Variants in ANGPT2 observed in about 807,000 individuals in gnomAD.
ANGPT2 encodes the protein angiopoietin 2.
A neutral mutation model predicts 62.9 loss-of-function variants in ANGPT2; 28 were observed. The observed-to-expected ratio is 0.44, with a 90% CI of 0.33 to 0.61. The LOEUF (loss-of-function observed/expected upper bound fraction) is 0.61, where lower values mean the gene tolerates loss of function less well. ANGPT2 is among the 20% of genes least tolerant of loss of function. The pLI, the probability that ANGPT2 is intolerant of heterozygous loss-of-function variation, is 0.03. For missense variants in ANGPT2, 727 were observed against 594.9 expected, an observed-to-expected ratio of 1.22 and a Z score of -2.31; for synonymous variants, 284 against 207.8, an observed-to-expected ratio of 1.37 and a Z score of -3.15.
intron 8 of ANGPT2, 57 bp from the exon 9 acceptor site, chr8:6,503,318 G>A (rs922302896): frequency 5.0e-6 from 8 of 1,589,426 alleles, no homozygotes; most frequent in Admixed American, 1.7e-5. Context: ...CTCCCACCAC[G>A]AAGACAGCAA....
intron 1 of ANGPT2, among the ~76,000 whole-genome samples, chr8:6,549,837 A>C (rs952523408): frequency 1.3e-5 from 2 of 152,232 alleles, no homozygotes; most frequent in African/African-American, 4.8e-5. Context: ...CAAGTTGTAC[A>C]CTCAAGATTT....
chr8:6,520,084 A>G (rs1303744094), intron 4 of ANGPT2, 93 bp from the exon 5 acceptor site: 1 of 1,450,470 alleles, frequency 6.9e-7, no homozygotes, highest in Non-Finnish European at 9.3e-7. Flanking sequence ...GAGTTTTATT[A>G]CTTTGGAATT....
chr8:6,552,042 T>C (rs1367517348), intron 1 of ANGPT2, among the ~76,000 whole-genome samples: 1 of 152,192 alleles, frequency 6.6e-6, no homozygotes, highest in Non-Finnish European at 1.5e-5. Context: ...ATTCCAGAAA[T>C]TATGGCAGAG....
At chr8:6,504,304 T>C (rs560368080) in intron 8 of ANGPT2, among the ~76,000 whole-genome samples, 167 of 113,526 alleles carry the variant, frequency 1.5e-3, no homozygotes, top group African/African-American at 3.0e-3. Context: ...GGCGACAGAG[T>C]GAGACTCCAG....
At chr8:6,523,574 T>C (rs1413695270) in intron 3 of ANGPT2, among the ~76,000 whole-genome samples, 1 of 149,348 alleles carries the variant, frequency 6.7e-6, no homozygotes, top group Admixed American at 6.6e-5. Context: ...TCAAGGTATT[T>C]GGCAGGGTTT....
chr8:6,505,474 T>TAC lies in ANGPT2; in HGVS notation c.1328-2214_1328-2213insGT, dbSNP rs1465702085. Among the ~76,000 whole-genome samples, 317 of 50,242 alleles carry TAC rather than the reference T, an allele frequency of 6.3e-3. 1 individual carries two copies. Among genetic ancestry groups the TAC allele is most frequent in the African/African-American group, 0.014 (173 of 12,138 alleles). The allele number at this position is 50,242 out of a possible 152,430, so 33.0% of individuals were successfully genotyped here. On this transcript the variant is annotated intron_variant, in intron 8 of 8. Coordinates refer to ENST00000629816, the MANE Select transcript of ANGPT2 (RefSeq NM_001118887.2). Reference sequence around the variant, plus strand: ...ATATAGAATATATATATTCTTTACATATATAGAATATATATATTCTTTATA... The same window carrying TAC: ...ATATAGAATATATATATTCTTTACATACATATAGAATATATATATTCTTTATA...
chr8:6,505,251 T>TAACA lies in ANGPT2; in HGVS notation c.1328-1991_1328-1990insTGTT, dbSNP rs1563305171. ...TATGTATATATAGAATATATATTCT[T>TAACA]TATATATGTTTTATATATATGTATA... On this transcript the variant is annotated intron_variant, in intron 8 of 8. Coordinates refer to ENST00000629816, the MANE Select transcript of ANGPT2 (RefSeq NM_001118887.2). Among the ~76,000 whole-genome samples, 53 of 82,178 alleles carry TAACA rather than the reference T, an allele frequency of 6.4e-4. 11 individuals are homozygous for TAACA. The highest frequency in any genetic ancestry group is 2.6e-3 in the African/African-American group (51 of 19,990). 53.9% of individuals were successfully genotyped at this position (82,178 alleles called of 152,430 possible).
At chr8:6,535,246 G>A (rs1433516019) in intron 1 of ANGPT2, among the ~76,000 whole-genome samples, 1 of 152,180 alleles carries the variant, frequency 6.6e-6, no homozygotes, top group Non-Finnish European at 1.5e-5. Context: ...CATTTCTAGA[G>A]CTACTGAGTC....
chr8:6,515,566 C>G (rs982232922), intron 5 of ANGPT2, among the ~76,000 whole-genome samples: 9 of 152,096 alleles, frequency 5.9e-5, no homozygotes. Flanking sequence ...TTAAGCTAAG[C>G]GCATGCATGC....
intron 6 of ANGPT2, among the ~76,000 whole-genome samples, chr8:6,514,111 C>G (rs951488279): frequency 7.2e-5 from 11 of 152,284 alleles, no homozygotes; most frequent in East Asian, 5.8e-4. Context: ...ATAAACAGCT[C>G]AGTTCATGGG....
rs78455398 is a variant in ANGPT2, at chr8:6,529,288, G to A, written c.445-1612C>T. 9.7e-4 allele frequency among the ~76,000 whole-genome samples: 148 copies of A among 152,196 alleles called. 1 individual carries two copies. The East Asian group carries it at 0.025, about 26-fold the overall frequency. ...CCACCCATTGTTGCTCAATTTGATC[G>A]TCTCTCATTCTGACAGGCTTGGAGA... On this transcript the variant is annotated intron_variant, in intron 2 of 8. Transcript: ENST00000629816.
intron 1 of ANGPT2, among the ~76,000 whole-genome samples, chr8:6,559,701 G>T (rs1825222262): frequency 6.6e-6 from 1 of 152,124 alleles, no homozygotes; most frequent in East Asian, 1.9e-4. Flanking sequence ...TGGTCTCCTA[G>T]CAAAATACAA....
At chr8:6,511,545 C>G (rs1173694627) in intron 7 of ANGPT2, among the ~76,000 whole-genome samples, 3 of 151,914 alleles carry the variant, frequency 2.0e-5, no homozygotes, top group African/African-American at 4.8e-5. Context: ...GGGAACATTT[C>G]TTCTGGGAAA....
rs1204071318 is a variant in ANGPT2 at position 6,549,234 on chromosome 8, TG to T, written c.288+13412del. Among the ~76,000 whole-genome samples, 3 of 152,324 alleles carry T rather than the reference TG, an allele frequency of 2.0e-5. No homozygotes were observed. The East Asian group carries it at 5.8e-4, about 29-fold the overall frequency. The stretch of plus-strand genomic sequence containing the variant: ...CAAATGTCAATCTACAGCAGTACCA[TG>T]GGTACGTAAATTGTGTTATACAGCG... On this transcript the variant is annotated intron_variant, in intron 1 of 8. Coordinates refer to ENST00000629816, the MANE Select transcript of ANGPT2 (RefSeq NM_001118887.2).
chr8:6,531,466 T>G (rs1404141586), intron 2 of ANGPT2, among the ~76,000 whole-genome samples: 3 of 152,038 alleles, frequency 2.0e-5, no homozygotes, highest in Admixed American at 2.0e-4. Context: ...TTTGTTTGTA[T>G]TTTTTAGTAG....
intron 1 of ANGPT2, among the ~76,000 whole-genome samples, chr8:6,561,877 A>C (rs776703072): frequency 5.9e-5 from 9 of 152,226 alleles, no homozygotes; most frequent in Non-Finnish European, 1.3e-4. Flanking sequence ...ATCATCTGTG[A>C]AACAGTGGAA....
chr8:6,511,505 A>G (rs1201880958), intron 7 of ANGPT2, among the ~76,000 whole-genome samples: 1 of 152,168 alleles, frequency 6.6e-6, no homozygotes, highest in African/African-American at 2.4e-5. Flanking sequence ...CATTTCTTAT[A>G]ACATGTATTT....
intron 8 of ANGPT2, among the ~76,000 whole-genome samples, chr8:6,506,778 C>CT (rs552063597): frequency 0.01 from 1,315 of 127,974 alleles, 14 homozygotes; most frequent in South Asian, 0.06. Flanking sequence ...CAGAGGATTG[C>CT]TTTTTTTTTT....
chr8:6,533,891 A>G (rs756046304), intron 1 of ANGPT2, among the ~76,000 whole-genome samples: 17 of 152,086 alleles, frequency 1.1e-4, no homozygotes, highest in Non-Finnish European at 2.4e-4. Flanking sequence ...GGAAGGGTAG[A>G]GTTTCTCTCT....
Sources: gnomAD v4.1 joint callset for allele counts (sites outside exome capture counted in the v4.1 genomes callset) on GRCh38, gnomAD v4.1.1 for gene constraint, MANE v1.5 for transcripts, NCBI Gene and HGNC (gene_info 2026-07-23, HGNC 2026-07-21) for gene names.